Variants in EDDM13 observed in about 807,000 individuals in gnomAD.
EDDM13 encodes epididymal protein 13.
Under a neutral mutation model 17.8 loss-of-function variants are expected in EDDM13, and 24 were observed. That is an observed-to-expected ratio of 1.35 (90% CI 0.98 to 1.90). The LOEUF is 1.90. Ranked by LOEUF, EDDM13 falls within the 40% of genes most tolerant of loss-of-function variation. EDDM13 has a pLI of 0.00. For missense variants in EDDM13, 97 were observed against 100.8 expected (o/e 0.96, Z 0.16); for synonymous variants, 31 against 37.5 (o/e 0.83, Z 0.63).
At chr19:56,303,626 C>T (rs1431742646) in intron 13 of EDDM13, among the ~76,000 whole-genome samples, 1 of 152,004 alleles carries the variant, frequency 6.6e-6, no homozygotes, top group Admixed American at 6.6e-5. Flanking sequence ...GTGTAGAGGA[C>T]CCATCCTAGA....
At chr19:56,291,137 C>A (rs749360068) in intron 9 of EDDM13, among the ~76,000 whole-genome samples, 1 of 152,114 alleles carries the variant, frequency 6.6e-6, no homozygotes, top group Non-Finnish European at 1.5e-5. Flanking sequence ...CTCACAGGAC[C>A]GTTGCCCCAG....
chr19:56,285,477 T>C (rs1196108226), intron 6 of EDDM13, among the ~76,000 whole-genome samples: 3 of 152,226 alleles, frequency 2.0e-5, no homozygotes, highest in Non-Finnish European at 4.4e-5. Flanking sequence ...TTCAAATACC[T>C]GAGAAATGCT....
At chr19:56,289,804 G>A (rs2039392564) in intron 8 of EDDM13, among the ~76,000 whole-genome samples, 1 of 152,212 alleles carries the variant, frequency 6.6e-6, no homozygotes, top group South Asian at 2.1e-4. Context: ...TGTAGAGACA[G>A]GGTCTCACCA....
At chr19:56,289,320 G>C (rs749478734) in intron 8 of EDDM13, among the ~76,000 whole-genome samples, 19 of 152,164 alleles carry the variant, frequency 1.2e-4, no homozygotes, top group Non-Finnish European at 2.4e-4. Flanking sequence ...ATGCGAGGGA[G>C]CTTACCCCAT....
intron 4 of EDDM13, among the ~76,000 whole-genome samples, 193 bp downstream of exon 4, chr19:56,282,692 T>C (rs751560554): frequency 2.3e-4 from 35 of 152,234 alleles, no homozygotes; most frequent in Non-Finnish European, 4.3e-4. Context: ...CCCTTTTACT[T>C]GTCTCCCCTC....
At chr19:56,277,308 G>A (rs1600161271) in intron 2 of EDDM13, among the ~76,000 whole-genome samples, 1 of 152,342 alleles carries the variant, frequency 6.6e-6, no homozygotes, top group South Asian at 2.1e-4. Context: ...AATGAATGGA[G>A]AAACAGAGTG....
chr19:56,289,243 A>G (rs1179715914), intron 8 of EDDM13, among the ~76,000 whole-genome samples: 1 of 152,192 alleles, frequency 6.6e-6, no homozygotes, highest in Non-Finnish European at 1.5e-5. Context: ...TGTCTCTTGT[A>G]AGCTAGCTTC....
intron 13 of EDDM13, chr19:56,302,710 T>C (rs4801700): frequency 0.67 from 228,927 of 341,280 alleles, 77,714 homozygotes; most frequent in Non-Finnish European, 0.74. Context: ...TCTCTTTCCT[T>C]CTTCCCTCCC....
In EDDM13 at chr19:56,285,006, A is replaced by T; in HGVS notation, c.136A>T (p.Ser46Cys). ...TATGTCTTCTTCCTCAGGTCTCATG[A>T]GCAGACTGTCACCGGATGGTAAGTG... ...NLLKGIIGLM[S>C]RLSPDGLRHN... The change falls in exon 6 of 15, where the codon AGC (serine) becomes TGC (cysteine). Residue 46 changes from serine to cysteine, a missense_variant. Physicochemically the swap from Ser to Cys is moderately radical, Grantham distance 112. Transcript: ENST00000649256. 4.1e-6 allele frequency: 4 copies of T among 985,398 alleles called. No individual in the cohort carries two copies. The highest frequency in any genetic ancestry group is 4.8e-6 in the Non-Finnish European group (4 of 829,874). 61.0% of individuals were successfully genotyped at this position (985,398 alleles called of 1,614,324 possible).
intron 14 of EDDM13, among the ~76,000 whole-genome samples, chr19:56,307,706 A>G (rs1278840243): frequency 1.3e-5 from 2 of 152,146 alleles, no homozygotes; most frequent in African/African-American, 4.8e-5. Context: ...AGGTAATACA[A>G]TTTTTTCCCC....
intron 14 of EDDM13, among the ~76,000 whole-genome samples, chr19:56,305,155 A>G (rs2147308433): frequency 6.6e-6 from 1 of 152,350 alleles, no homozygotes; most frequent in African/African-American, 2.4e-5. Context: ...AGTGACATTC[A>G]GTACACTCAA....
At chr19:56,304,519 G>A (rs2040557472) in intron 13 of EDDM13, among the ~76,000 whole-genome samples, 1 of 152,190 alleles carries the variant, frequency 6.6e-6, no homozygotes, top group South Asian at 2.1e-4. Flanking sequence ...AAAACGTCAG[G>A]AACCTGAGGC....
chr19:56,281,820 A>G (rs1336216803), intron 3 of EDDM13, 122 bp downstream of exon 3: 1 of 436,836 alleles, frequency 2.3e-6, no homozygotes, highest in Non-Finnish European at 3.0e-6. Context: ...GCAGATTCAG[A>G]TGTCCTCAAT....
At chr19:56,275,261 T>C (rs983356211) in intron 1 of EDDM13, among the ~76,000 whole-genome samples, 1 of 152,244 alleles carries the variant, frequency 6.6e-6, no homozygotes, top group Admixed American at 6.5e-5. Flanking sequence ...TTAGCATCCA[T>C]CTGTGGATCT....
chr19:56,286,324 T>G (rs2039121201), intron 6 of EDDM13: 1 of 152,152 alleles, frequency 6.6e-6, no homozygotes, highest in South Asian at 2.1e-4. Flanking sequence ...TGACCCAAAC[T>G]TTTTATTTTT....
chr19:56,309,512 T>A (rs2040898208), intron 14 of EDDM13, among the ~76,000 whole-genome samples: 1 of 152,248 alleles, frequency 6.6e-6, no homozygotes, highest in African/African-American at 2.4e-5. Flanking sequence ...TTAAAAGGGA[T>A]GCAGGCTGCA....
intron 5 of EDDM13, 75 bp from the exon 6 acceptor site, chr19:56,284,923 C>G: frequency 1.3e-6 from 1 of 752,558 alleles, no homozygotes; most frequent in Non-Finnish European, 1.6e-6. Flanking sequence ...ATCTGTTGAA[C>G]TGGGAGAAAT....
rs117288294 is a variant in EDDM13, at chr19:56,307,504, T to C, written c.462-2620T>C. On this transcript the variant is annotated intron_variant, in intron 14 of 14. Transcript: ENST00000649256. The stretch of plus-strand genomic sequence containing the variant: ...CTAAGGTTAACTGTGTGACATTTAC[T>C]TATTATGAAGTGAGGTGATGAGATT... Among the ~76,000 whole-genome samples, 194 of 152,330 alleles carry C rather than the reference T, an allele frequency of 1.3e-3. 1 individual carries two copies. The highest frequency in any genetic ancestry group is 2.3e-3 in the Non-Finnish European group (157 of 68,028).
chr19:56,308,284 G>A lies in EDDM13; in HGVS notation c.462-1840G>A, dbSNP rs112131488. Among the ~76,000 whole-genome samples, 40 of 151,506 alleles carry A rather than the reference G, an allele frequency of 2.6e-4. No individual in the cohort carries two copies. The Middle Eastern group carries it at 0.01, about 39-fold the overall frequency. Reference sequence around the variant, plus strand: ...CTTGACCTTGTGATCCGCCCGCCTCGGCCTCCCAAAGTGCTGGGATTACAG... The same window carrying A: ...CTTGACCTTGTGATCCGCCCGCCTCAGCCTCCCAAAGTGCTGGGATTACAG... On this transcript the variant is annotated intron_variant, in intron 14 of 14. Coordinates refer to ENST00000649256, the MANE Select transcript of EDDM13 (RefSeq NM_001354658.2).
Sources: allele counts gnomAD v4.1 joint callset (sites outside exome capture counted in the v4.1 genomes callset), GRCh38; gene constraint gnomAD v4.1.1; transcripts MANE v1.5; gene names NCBI Gene and HGNC (gene_info 2026-07-23, HGNC 2026-07-21).